OR2L13: variants seen among roughly 807,000 people sequenced by gnomAD.
The protein encoded by OR2L13 is olfactory receptor 2L13.
In OR2L13, 14 loss-of-function variants were observed where a neutral mutation model predicts 15.3. The ratio of observed to expected loss-of-function variants is 0.91; its 90% CI spans 0.60 to 1.43. OR2L13 has a LOEUF of 1.43. OR2L13 is among the 40% of genes most tolerant of loss of function. The probability of loss-of-function intolerance (pLI) is 0.00; values close to 1 mark genes in which losing one functional copy is unlikely to be tolerated. For synonymous variants in OR2L13, 152 were observed against 142.9 expected (o/e 1.06, Z -0.45); for missense variants, 367 against 387.9 (o/e 0.95, Z 0.45).
upstream of OR2L13, among the ~76,000 whole-genome samples, chr1:248,095,795 T>C (rs1331640593): frequency 1.3e-5 from 2 of 150,230 alleles, no homozygotes; most frequent in African/African-American, 2.4e-5. Flanking sequence ...TTAGTAGAGA[T>C]GGGGTGTCAC....
At chr1:248,041,660 C>A in the OR2L13 span, 2 of 152,014 alleles carry the variant, frequency 1.3e-5, no homozygotes, top group African/African-American at 4.8e-5. Context: ...AACAAACTTA[C>A]AAGAAAAAAA....
chr1:248,021,767 TA>T, the OR2L13 span, among the ~76,000 whole-genome samples: 1 of 152,366 alleles, frequency 6.6e-6, no homozygotes, highest in Non-Finnish European at 1.5e-5. Flanking sequence ...GTCTAATTTA[TA>T]AATTAAAATT....
chr1:248,086,150 T>C, the OR2L13 span, among the ~76,000 whole-genome samples: 7 of 152,336 alleles, frequency 4.6e-5, no homozygotes, highest in East Asian at 1.2e-3. Context: ...TATGTTGCCA[T>C]TTTTTCATAT....
the OR2L13 span, chr1:247,939,713 T>A: frequency 6.6e-6 from 1 of 152,200 alleles, no homozygotes; most frequent in South Asian, 2.1e-4. Flanking sequence ...AACCGAACCT[T>A]CTGTCTTTCT....
the OR2L13 span, among the ~76,000 whole-genome samples, chr1:248,082,675 CT>C: frequency 1.3e-5 from 2 of 152,072 alleles, no homozygotes. Context: ...ATAAAATAGT[CT>C]TCTTTTTTTT....
At chr1:248,007,802 A>G in the OR2L13 span, among the ~76,000 whole-genome samples, 1 of 152,176 alleles carries the variant, frequency 6.6e-6, no homozygotes, top group Admixed American at 6.5e-5. Flanking sequence ...GTGTGCATTT[A>G]GAAATTTCTT....
the OR2L13 span, chr1:247,965,922 A>G: frequency 1.2e-6 from 2 of 1,611,844 alleles, no homozygotes; most frequent in East Asian, 2.2e-5. Context: ...GTGAAGTTCC[A>G]GCTCTACTAT....
chr1:247,995,184 T>C, the OR2L13 span, among the ~76,000 whole-genome samples: 2 of 152,212 alleles, frequency 1.3e-5, no homozygotes, highest in African/African-American at 4.8e-5. Context: ...TCACTCCCTT[T>C]TCTCAGTGTA....
the OR2L13 span, chr1:248,022,314 G>A: frequency 2.5e-6 from 4 of 1,614,082 alleles, no homozygotes; most frequent in African/African-American, 4.0e-5. Context: ...TGATCGTTAT[G>A]TGGCCATTTG....
chr1:248,003,143 A>C, the OR2L13 span: 2 of 1,354,436 alleles, frequency 1.5e-6, no homozygotes, highest in Admixed American at 1.7e-5. Context: ...GGAAAATTGC[A>C]ATCAAACATC....
chr1:248,016,260 T>G, the OR2L13 span, among the ~76,000 whole-genome samples: 1 of 152,356 alleles, frequency 6.6e-6, no homozygotes, highest in Non-Finnish European at 1.5e-5. Flanking sequence ...GTAATTATTA[T>G]GCTGAATATG....
the OR2L13 span, among the ~76,000 whole-genome samples, chr1:248,086,400 A>G: frequency 6.6e-6 from 1 of 152,208 alleles, no homozygotes; most frequent in Non-Finnish European, 1.5e-5. Flanking sequence ...ATTCAAATGT[A>G]ACAAAAATAA....
intron 1 of OR2L13, 146 bp from the exon 2 acceptor site, chr1:248,098,505 T>C (rs1448652838): frequency 2.0e-5 from 3 of 152,228 alleles, no homozygotes; most frequent in African/African-American, 7.2e-5. Context: ...CTTAGACAGC[T>C]ATAGAAATGA....
At chr1:247,990,901 T>G in the OR2L13 span, 1 of 1,481,142 alleles carries the variant, frequency 6.8e-7, no homozygotes, top group South Asian at 1.1e-5. Flanking sequence ...TCCCTTCATT[T>G]GTATTGCATG....
chr1:247,949,121 C>A, the OR2L13 span: 1 of 1,613,996 alleles, frequency 6.2e-7, no homozygotes, highest in East Asian at 2.2e-5. Flanking sequence ...TGCATGGAAA[C>A]AAGTCTATCT....
the OR2L13 span, among the ~76,000 whole-genome samples, chr1:248,066,432 T>TA: frequency 1.3e-5 from 2 of 152,334 alleles, no homozygotes; most frequent in South Asian, 2.1e-4. Flanking sequence ...ACTTTTTTTT[T>TA]ACTTGCCTTT....
the OR2L13 span, among the ~76,000 whole-genome samples, chr1:248,001,306 G>A: frequency 6.6e-6 from 1 of 151,508 alleles, no homozygotes; most frequent in Non-Finnish European, 1.5e-5. Flanking sequence ...GAAAGTTCAC[G>A]CCTCCCTCCT....
chr1:247,955,059 T>C, the OR2L13 span, among the ~76,000 whole-genome samples: 1 of 152,038 alleles, frequency 6.6e-6, no homozygotes, highest in Non-Finnish European at 1.5e-5. Flanking sequence ...TAACTCGTCA[T>C]TTAACATTAG....
the OR2L13 span, among the ~76,000 whole-genome samples, chr1:247,953,428 T>C: frequency 7.2e-5 from 11 of 152,206 alleles, no homozygotes; most frequent in African/African-American, 2.4e-4. Context: ...AGATTTCTTA[T>C]GTATTACATT....
Sources: gnomAD v4.1 joint callset for allele counts (sites outside exome capture counted in the v4.1 genomes callset) on GRCh38, gnomAD v4.1.1 for gene constraint, MANE v1.5 for transcripts, NCBI Gene and HGNC (gene_info 2026-07-23, HGNC 2026-07-21) for gene names.